The following TBK1 variants were observed in gnomAD, a reference collection of about 807,000 sequenced individuals.
TBK1 encodes the protein TANK binding kinase 1.
Under a neutral mutation model 99.9 loss-of-function variants are expected in TBK1, and 37 were observed. The observed-to-expected ratio is 0.37, with a 90% CI of 0.28 to 0.49. TBK1 has a LOEUF of 0.49. TBK1 is among the 20% of genes least tolerant of loss of function. The pLI is 0.98. For synonymous variants in TBK1, 258 were observed against 279.8 expected (o/e 0.92, Z 0.78); for missense variants, 644 against 872.5 (o/e 0.74, Z 3.30).
intron 15 of TBK1, 71 bp from the exon 16 acceptor site, chr12:64,496,296 C>T (rs1396765969): frequency 1.3e-6 from 1 of 786,212 alleles, no homozygotes. Context: ...GCAATAATCT[C>T]AAAAGAAAAT....
At chr12:64,487,243 C>T (rs1295175139) in intron 11 of TBK1, among the ~76,000 whole-genome samples, 1 of 152,152 alleles carries the variant, frequency 6.6e-6, no homozygotes, top group Non-Finnish European at 1.5e-5. Flanking sequence ...TTGAATTTTG[C>T]GTACACATCA....
chr12:64,491,794 G>C (rs374576366), intron 13 of TBK1, among the ~76,000 whole-genome samples: 21 of 152,178 alleles, frequency 1.4e-4, no homozygotes, highest in African/African-American at 5.1e-4. Flanking sequence ...ATCTCAAACA[G>C]TGGTTTTCAA....
Position 64,484,383 on chromosome 12 carries a change from G to T in TBK1, c.1073G>T (p.Arg358Leu). ...SNQELIYEGR[R>L]LVLEPGRLAQ... ...CAAGAACTTATCTACGAAGGGCGAC[G>T]CTTAGTCTTAGAACCTGGAAGGCTG... Residue 358 changes from arginine to leucine, a missense_variant, in exon 9 of 21, where the codon CGC (arginine) becomes CTC (leucine). This residue lies in a region of TBK1 where 465 missense variants were observed against 588.0 expected (regional missense o/e 0.79). Transcript: ENST00000331710. 6.2e-7 allele frequency: 1 copy of T among 1,613,980 alleles called. No individual in the cohort carries two copies. The highest frequency in any genetic ancestry group is 8.5e-7 in the Non-Finnish European group (1 of 1,179,960).
chr12:64,458,512 C>CATATAT lies in TBK1; in HGVS notation c.88-1662_88-1657dup, dbSNP rs10626258. ...GTTGATCTGCACATATGGATATATACATATATATATATATATATATGGATC... is the reference window on the plus strand; with the variant it reads ...GTTGATCTGCACATATGGATATATACATATATATATATATATATATATATATGGATC... On this transcript the variant is annotated intron_variant, in intron 2 of 20. Transcript: ENST00000331710. Among the ~76,000 whole-genome samples the CATATAT allele has an allele frequency of 1.8e-3, 256 of 144,150 alleles. 4 individuals are homozygous for CATATAT. The highest frequency in any genetic ancestry group is 4.4e-3 in the South Asian group (20 of 4,582). 94.6% of individuals were successfully genotyped at this position (144,150 alleles called of 152,430 possible).
At chr12:64,479,465 C>T (rs1480544635) in intron 6 of TBK1, among the ~76,000 whole-genome samples, 2 of 152,180 alleles carry the variant, frequency 1.3e-5, no homozygotes, top group Admixed American at 6.5e-5. Flanking sequence ...AATTAATTTG[C>T]TCAAAGCACA....
intron 4 of TBK1, among the ~76,000 whole-genome samples, chr12:64,465,242 C>CA (rs57575805): frequency 0.26 from 15,173 of 57,890 alleles, 2,871 homozygotes; most frequent in Middle Eastern, 0.35. Context: ...AAGACTATCT[C>CA]AAAAAAAAAA....
intron 13 of TBK1, among the ~76,000 whole-genome samples, chr12:64,490,493 C>G (rs2040858978): frequency 6.6e-6 from 1 of 151,218 alleles, no homozygotes; most frequent in African/African-American, 2.4e-5. Flanking sequence ...ATTCAAATGA[C>G]TACTGTAATT....
At chr12:64,463,908 G>T (rs1430313737) in intron 3 of TBK1, among the ~76,000 whole-genome samples, 2 of 149,824 alleles carry the variant, frequency 1.3e-5, no homozygotes, top group Non-Finnish European at 3.0e-5. Context: ...TCTGTCACCA[G>T]GCTGGACTGC....
chr12:64,487,640 A>G (rs1413201680), intron 11 of TBK1, among the ~76,000 whole-genome samples: 1 of 152,094 alleles, frequency 6.6e-6, no homozygotes, highest in Non-Finnish European at 1.5e-5. Flanking sequence ...CCTTTTACTT[A>G]TTAGTTTATA....
intron 15 of TBK1, 147 bp downstream of exon 15, chr12:64,495,922 G>GC: frequency 2.5e-6 from 1 of 394,200 alleles, no homozygotes; most frequent in South Asian, 5.0e-5. Context: ...AAGGTTGATT[G>GC]TGTTAAAAAA....
rs1046427926 is a variant in TBK1 at position 64,456,089 on chromosome 12, G to A, written c.87+132G>A. The A allele has an allele frequency of 1.4e-5, 10 of 698,714 alleles. No individual in the cohort carries two copies. The African/African-American group carries it at 1.8e-4, about 13-fold the overall frequency. The allele number at this position is 698,714 out of a possible 1,614,324, so 43.3% of individuals were successfully genotyped here. A position where few individuals can be genotyped will look rare whatever the true frequency, so the allele number is the denominator to read the frequency against. On this transcript the variant is annotated intron_variant, in intron 2 of 20. Coordinates refer to ENST00000331710, the MANE Select transcript of TBK1 (RefSeq NM_013254.4). Reference sequence around the variant, plus strand: ...TGAAGAAATTGTTTTAATGATTTTCGTGGTCATTTAAGGCATAGCTGTGTC... The same window carrying A: ...TGAAGAAATTGTTTTAATGATTTTCATGGTCATTTAAGGCATAGCTGTGTC...
Position 64,496,415 on chromosome 12 carries a change from C to A in TBK1, c.1760+9C>A, listed in dbSNP as rs2040925404. On this transcript the variant is annotated intron_variant, in intron 16 of 20. Coordinates refer to ENST00000331710, the MANE Select transcript of TBK1 (RefSeq NM_013254.4). Reference sequence around the variant, plus strand: ...ATCCACAAATTTGATAAGTAAGTATCCAGATTATGTTTAATAGTTATTTTT... The same window carrying A: ...ATCCACAAATTTGATAAGTAAGTATACAGATTATGTTTAATAGTTATTTTT... The A allele has an allele frequency of 2.4e-6, 3 of 1,237,890 alleles. No individual in the cohort carries two copies. The highest frequency in any genetic ancestry group is 1.5e-5 in the South Asian group (1 of 68,622). The allele number at this position is 1,237,890 out of a possible 1,614,324, so 76.7% of individuals were successfully genotyped here.
intron 7 of TBK1, among the ~76,000 whole-genome samples, chr12:64,481,166 A>G (rs2040764365): frequency 6.6e-6 from 1 of 152,178 alleles, no homozygotes; most frequent in South Asian, 2.1e-4. Flanking sequence ...TTATTTAGGA[A>G]ATACTCATTT....
rs376678441 is a variant in TBK1 at position 64,476,520 on chromosome 12, G to GT, written c.701+2137dup. On this transcript the variant is annotated intron_variant, in intron 6 of 20. Transcript: ENST00000331710. ...TGCTCACTTTTTAATGGGAATGTTT[G>GT]TTTTTTTCTTGTTGATTCGTTTAAG... Among the ~76,000 whole-genome samples the GT allele has an allele frequency of 2.7e-3, 413 of 152,112 alleles. 1 individual carries two copies. The highest frequency in any genetic ancestry group is 9.3e-3 in the African/African-American group (387 of 41,518).
At chr12:64,457,041 T>C (rs888453532) in intron 2 of TBK1, among the ~76,000 whole-genome samples, 1 of 152,174 alleles carries the variant, frequency 6.6e-6, no homozygotes, top group African/African-American at 2.4e-5. Context: ...AATTTTTCAG[T>C]GCTATGAATT....
intron 6 of TBK1, among the ~76,000 whole-genome samples, chr12:64,475,968 C>T (rs11175406): frequency 0.15 from 22,694 of 152,004 alleles, 2,021 homozygotes; most frequent in East Asian, 0.35. Flanking sequence ...AACTAATTTG[C>T]ATTCCCACCA....
Position 64,460,346 on chromosome 12 carries a change from C to A in TBK1, c.228+17C>A. 5 of 1,514,438 alleles carry A rather than the reference C, an allele frequency of 3.3e-6. No homozygotes were observed. The South Asian group carries it at 3.8e-5, about 12-fold the overall frequency. 93.8% of individuals were successfully genotyped at this position (1,514,438 alleles called of 1,614,324 possible). ...GAAGAGGAGGTAAGTAGTAAAACTT[C>A]AATCTTATATTTATTGTAGTTACGA... is the stretch of plus-strand genomic sequence containing the variant. On this transcript the variant is annotated intron_variant, in intron 3 of 20. Coordinates refer to ENST00000331710, the MANE Select transcript of TBK1 (RefSeq NM_013254.4).
chr12:64,452,455 C>A (rs1057091182), intron 1 of TBK1: 1 of 152,252 alleles, frequency 6.6e-6, no homozygotes, highest in Non-Finnish European at 1.5e-5. Context: ...ACCTGCATCC[C>A]CGCTCCGCGC....
intron 2 of TBK1, 140 bp from the exon 3 acceptor site, chr12:64,460,049 T>A (rs2040529096): frequency 4.1e-6 from 2 of 484,932 alleles, no homozygotes; most frequent in South Asian, 1.3e-4. Context: ...AAGTCAAAAG[T>A]CCTCATACAG....
Sources: allele counts gnomAD v4.1 joint callset (sites outside exome capture counted in the v4.1 genomes callset), GRCh38; gene constraint gnomAD v4.1.1; regional missense constraint gnomAD v4.1.1; transcripts MANE v1.5; gene names NCBI Gene and HGNC (gene_info 2026-07-23, HGNC 2026-07-21).